Variants in CLTCL1 observed in about 807,000 individuals in gnomAD.
CLTCL1 encodes the protein clathrin heavy chain like 1.
In CLTCL1, 159 loss-of-function variants were observed where a neutral mutation model predicts 190.0. The ratio of observed to expected loss-of-function variants is 0.84; its 90% CI spans 0.74 to 0.95. The LOEUF (loss-of-function observed/expected upper bound fraction) is 0.95, where lower values mean the gene tolerates loss of function less well. CLTCL1 is among the 40% of genes least tolerant of loss of function. CLTCL1 has a pLI of 0.00. For missense variants in CLTCL1, 1,878 were observed against 2,033.4 expected (o/e 0.92, Z 1.47); for synonymous variants, 752 against 769.6 (o/e 0.98, Z 0.38).
chr22:19,236,959 A>G (rs1171206917), intron 5 of CLTCL1, among the ~76,000 whole-genome samples: 20 of 152,174 alleles, frequency 1.3e-4, no homozygotes, highest in Admixed American at 1.3e-3. Context: ...AAAGATTTTA[A>G]ATAAAAAACA....
intron 1 of CLTCL1, among the ~76,000 whole-genome samples, chr22:19,279,285 G>A (rs929576732): frequency 6.6e-6 from 1 of 151,772 alleles, no homozygotes; most frequent in African/African-American, 2.4e-5. Flanking sequence ...ACAGGCATGC[G>A]CCACCACGCT....
intron 11 of CLTCL1, 136 bp from the exon 12 acceptor site, chr22:19,226,519 T>C: frequency 1.1e-6 from 1 of 935,536 alleles, no homozygotes; most frequent in Non-Finnish European, 1.6e-6. Context: ...TCCATACCTC[T>C]GTGGTGGCAG....
Position 19,183,427 on chromosome 22 carries a change from G to A in CLTCL1, c.4790C>T (p.Pro1597Leu), listed in dbSNP as rs1255702650. 3 of 1,613,448 alleles carry A rather than the reference G, an allele frequency of 1.9e-6. No individual in the cohort carries two copies. The highest frequency in any genetic ancestry group is 1.3e-5 in the African/African-American group (1 of 74,932). ...CTCCCTCATCACCTGGATGAAGTAG[G>A]GCATGGCCAAGTCCACGAGGTTGTG... is the stretch of plus-strand genomic sequence containing the variant. ...WRHNLVDLAM[P>L]YFIQVMREYL... is the part of the protein sequence containing the mutation. Residue 1597 changes from proline to leucine, a missense_variant, in exon 30 of 33, where the codon CCC (proline) becomes CTC (leucine). By Grantham distance (98) the Pro-to-Leu change is moderately conservative. Transcript: ENST00000427926.
Position 19,191,442 on chromosome 22 carries a change from T to C in CLTCL1, c.4192-7A>G, listed in dbSNP as rs782733054. The C allele has an allele frequency of 1.2e-6, 2 of 1,612,602 alleles. No homozygotes were observed. The highest frequency in any genetic ancestry group is 3.3e-5 in the Admixed American group (2 of 60,022). Reference sequence around the variant, plus strand: ...AGAGCTCGACGTTGGCAACCTGTGGTGAGCAAAGCTGAGGGTCAGTCCCTG... The same window carrying C: ...AGAGCTCGACGTTGGCAACCTGTGGCGAGCAAAGCTGAGGGTCAGTCCCTG... On this transcript the variant is annotated splice_region_variant and splice_polypyrimidine_tract_variant and intron_variant, in intron 26 of 32. Coordinates refer to ENST00000427926, the MANE Select transcript of CLTCL1 (RefSeq NM_007098.4).
intron 20 of CLTCL1, chr22:19,209,386 G>T (rs2085149785): frequency 5.9e-6 from 2 of 340,808 alleles, no homozygotes; most frequent in Non-Finnish European, 1.1e-5. Flanking sequence ...TGGGCCGGGG[G>T]TAGGACATGG....
intron 2 of CLTCL1, chr22:19,258,344 G>A: frequency 2.4e-6 from 1 of 420,514 alleles, no homozygotes; most frequent in Non-Finnish European, 4.5e-6. Context: ...AGCAGATTGA[G>A]GAGAGCACCA....
chr22:19,217,345 G>A (rs1005738807), intron 18 of CLTCL1, among the ~76,000 whole-genome samples: 1 of 152,090 alleles, frequency 6.6e-6, no homozygotes, highest in Non-Finnish European at 1.5e-5. Flanking sequence ...GGCCGGCCGC[G>A]GTGGCTCATG....
intron 24 of CLTCL1, 107 bp from the exon 25 acceptor site, chr22:19,196,763 T>C: frequency 7.8e-7 from 1 of 1,283,492 alleles, no homozygotes; most frequent in Non-Finnish European, 1.1e-6. Context: ...CTGGGAATGA[T>C]CCCGAGGAGG....
chr22:19,265,264 T>A (rs1309456579), intron 2 of CLTCL1, among the ~76,000 whole-genome samples: 2 of 152,196 alleles, frequency 1.3e-5, no homozygotes, highest in African/African-American at 4.8e-5. Flanking sequence ...TGCTCTCTAG[T>A]CAAAATGGTA....
intron 2 of CLTCL1, among the ~76,000 whole-genome samples, chr22:19,264,814 G>A (rs1555977144): frequency 6.6e-6 from 1 of 151,626 alleles, no homozygotes; most frequent in Non-Finnish European, 1.5e-5. Context: ...TTGAGACAGA[G>A]TTTCGCTTTT....
At chr22:19,241,306 A>G (rs1555965288) in intron 4 of CLTCL1, among the ~76,000 whole-genome samples, 1 of 152,210 alleles carries the variant, frequency 6.6e-6, no homozygotes, top group East Asian at 1.9e-4. Context: ...TCTGCTCCTC[A>G]GAGGGAGGCC....
intron 18 of CLTCL1, among the ~76,000 whole-genome samples, chr22:19,217,695 A>G (rs1188499732): frequency 6.6e-6 from 1 of 151,140 alleles, no homozygotes; most frequent in African/African-American, 2.4e-5. Context: ...TAAAAATACA[A>G]AAATTAGCCA....
At chr22:19,247,357 T>C (rs1669468906) in intron 3 of CLTCL1, among the ~76,000 whole-genome samples, 1 of 152,322 alleles carries the variant, frequency 6.6e-6, no homozygotes, top group East Asian at 1.9e-4. Context: ...GGTCTACATG[T>C]CTATTCTTAT....
chr22:19,238,676 T>A, intron 5 of CLTCL1: 1 of 176,530 alleles, frequency 5.7e-6, no homozygotes, highest in Non-Finnish European at 1.2e-5. Flanking sequence ...ACCTTCTTGA[T>A]GTAAAGGTGA....
chr22:19,184,580 G>A, intron 29 of CLTCL1: 2 of 455,906 alleles, frequency 4.4e-6, no homozygotes. Context: ...AGAGCTCCAG[G>A]TGCCTTTGGG....
intron 3 of CLTCL1, among the ~76,000 whole-genome samples, chr22:19,248,297 C>CAA (rs547458906): frequency 7.0e-6 from 1 of 143,264 alleles, no homozygotes; most frequent in Non-Finnish European, 1.5e-5. Flanking sequence ...AACTCGGTCT[C>CAA]AAAAAAAAAA....
intron 2 of CLTCL1, among the ~76,000 whole-genome samples, chr22:19,255,615 A>G (rs896683021): frequency 6.6e-6 from 1 of 151,942 alleles, no homozygotes; most frequent in African/African-American, 2.4e-5. Flanking sequence ...TTGGAAATAT[A>G]AAAAAGAATT....
chr22:19,275,021 G>C (rs1046392669), intron 2 of CLTCL1, among the ~76,000 whole-genome samples: 3 of 152,050 alleles, frequency 2.0e-5, no homozygotes, highest in Non-Finnish European at 2.9e-5. Context: ...GAGTCACTGC[G>C]CCCGGCCCAG....
Position 19,196,563 on chromosome 22 carries a change from G to A in CLTCL1, c.3967C>T (p.Leu1323Phe), listed in dbSNP as rs782516151. The A allele has an allele frequency of 5.0e-6, 8 of 1,613,824 alleles. No individual in the cohort carries two copies. In the East Asian group the frequency reaches 1.8e-4, roughly 36 times the overall value. Residue 1323 changes from leucine (L) to phenylalanine (F), a missense_variant, in exon 25 of 33, where the codon CTC (leucine) becomes TTC (phenylalanine). Physicochemically the swap from Leu to Phe is conservative, Grantham distance 22 (BLOSUM62 0). Transcript: ENST00000427926. The part of the protein sequence containing the change: ...HMGMFTELAI[L>F]YSKFKPQKML... ...TTCTGTGGCTTGAATTTGGAGTAGA[G>A]GATGGCCAGCTCAGTGAACATGCCC... is the stretch of plus-strand genomic sequence containing the variant.
Sources: gnomAD v4.1 joint callset for allele counts (sites outside exome capture counted in the v4.1 genomes callset) on GRCh38, gnomAD v4.1.1 for gene constraint, MANE v1.5 for transcripts, NCBI Gene and HGNC (gene_info 2026-07-23, HGNC 2026-07-21) for gene names.